The following AGBL4 variants were observed in gnomAD, a reference collection of about 807,000 sequenced individuals.
The protein encoded by AGBL4 is cytosolic carboxypeptidase 6.
Under a neutral mutation model 66.4 loss-of-function variants are expected in AGBL4, and 58 were observed. The ratio of observed to expected loss-of-function variants is 0.87; its 90% CI spans 0.71 to 1.09. The LOEUF is 1.09. Among genes scored for constraint, AGBL4 ranks in the 50% least tolerant of loss-of-function variants. The pLI is 0.00. For missense variants in AGBL4, 579 were observed against 631.0 expected (o/e 0.92, Z 0.88); for synonymous variants, 234 against 222.9 (o/e 1.05, Z -0.44).
intron 3 of AGBL4, among the ~76,000 whole-genome samples, chr1:49,576,329 C>T (rs1644435760): frequency 2.0e-5 from 3 of 152,218 alleles, no homozygotes; most frequent in South Asian, 2.1e-4. Context: ...TGCTCTGCCA[C>T]TTGGGCCATA....
At chr1:49,014,836 G>A (rs1662696273) in intron 5 of AGBL4, among the ~76,000 whole-genome samples, 1 of 152,188 alleles carries the variant, frequency 6.6e-6, no homozygotes, top group African/African-American at 2.4e-5. Context: ...GAGAGTGAAA[G>A]ACAATGTTAT....
intron 9 of AGBL4, among the ~76,000 whole-genome samples, chr1:48,621,353 T>A (rs1158292129): frequency 6.6e-6 from 1 of 152,204 alleles, no homozygotes; most frequent in Admixed American, 6.5e-5. Context: ...GCTTTTATCC[T>A]ATGGACTGAC....
intron 9 of AGBL4, among the ~76,000 whole-genome samples, chr1:48,613,369 G>A (rs916652696): frequency 6.6e-6 from 1 of 152,006 alleles, no homozygotes; most frequent in Non-Finnish European, 1.5e-5. Flanking sequence ...CAGAAACTGG[G>A]GTCCAACGAG....
At chr1:48,575,422 T>C (rs10493133) in intron 11 of AGBL4, among the ~76,000 whole-genome samples, 7,026 of 152,246 alleles carry the variant, frequency 0.046, 212 homozygotes, top group Admixed American at 0.099. Context: ...ACTTACGATA[T>C]GTTCACCTAT....
intron 4 of AGBL4, 137 bp from the exon 5 acceptor site, chr1:49,045,937 A>G: frequency 1.4e-6 from 1 of 732,776 alleles, no homozygotes; most frequent in Non-Finnish European, 2.2e-6. Context: ...GAATGACAAC[A>G]CAAACCACAT....
intron 1 of AGBL4, among the ~76,000 whole-genome samples, chr1:49,880,334 T>A (rs1277269369): frequency 6.6e-6 from 1 of 151,842 alleles, no homozygotes; most frequent in Non-Finnish European, 1.5e-5. Context: ...TACAGATGGG[T>A]TTTCAGTGTG....
chr1:49,106,140 A>G (rs1235129887), intron 4 of AGBL4, among the ~76,000 whole-genome samples: 2 of 152,048 alleles, frequency 1.3e-5, no homozygotes, highest in Non-Finnish European at 2.9e-5. Context: ...GGTTGTTCTC[A>G]AAGCAATTCT....
intron 6 of AGBL4, among the ~76,000 whole-genome samples, chr1:48,768,259 T>C (rs150291270): frequency 6.7e-4 from 102 of 152,326 alleles, no homozygotes; most frequent in Middle Eastern, 3.4e-3. Flanking sequence ...AATACTGTGA[T>C]GAATTCCCAA....
chr1:50,015,913 A>G lies in AGBL4; in HGVS notation c.34+7850T>C, dbSNP rs140840501. On this transcript the variant is annotated intron_variant, in intron 1 of 13. Coordinates refer to ENST00000371839, the MANE Select transcript of AGBL4 (RefSeq NM_032785.4). ...CAATAGGGAAATGACTCCCTATTCAATAAACAGTGCTGGGATAACTGGCTA... is the reference window on the plus strand; with the variant it reads ...CAATAGGGAAATGACTCCCTATTCAGTAAACAGTGCTGGGATAACTGGCTA... Among the ~76,000 whole-genome samples, 98 of 152,342 alleles carry G rather than the reference A, an allele frequency of 6.4e-4. 1 individual carries two copies. The East Asian group carries it at 0.014, about 22-fold the overall frequency.
chr1:49,152,998 T>C (rs963649030), intron 4 of AGBL4, among the ~76,000 whole-genome samples: 2 of 151,898 alleles, frequency 1.3e-5, no homozygotes, highest in Admixed American at 6.6e-5. Flanking sequence ...ACAGGAATGT[T>C]TTAAGAAGGA....
intron 3 of AGBL4, among the ~76,000 whole-genome samples, chr1:49,610,725 G>A (rs1210347861): frequency 6.6e-6 from 1 of 152,078 alleles, no homozygotes; most frequent in Non-Finnish European, 1.5e-5. Context: ...GAACCTACTG[G>A]AACCTTGAGC....
intron 3 of AGBL4, among the ~76,000 whole-genome samples, chr1:49,371,242 T>TAGAC (rs1644336446): frequency 7.1e-6 from 1 of 141,812 alleles, no homozygotes; most frequent in African/African-American, 2.8e-5. Flanking sequence ...GATAGATAGA[T>TAGAC]AGATAGATAC....
At chr1:48,751,714 T>C (rs1223817486) in intron 6 of AGBL4, among the ~76,000 whole-genome samples, 1 of 152,214 alleles carries the variant, frequency 6.6e-6, no homozygotes, top group Non-Finnish European at 1.5e-5. Context: ...AGAAACACAC[T>C]GCTATTCTGA....
chr1:48,863,757 C>A (rs75199289), intron 6 of AGBL4, among the ~76,000 whole-genome samples: 13,291 of 151,486 alleles, frequency 0.088, 665 homozygotes, highest in Non-Finnish European at 0.11. Flanking sequence ...CATACACACA[C>A]AAAAAAATAA....
intron 3 of AGBL4, among the ~76,000 whole-genome samples, chr1:49,688,315 G>A (rs1264559573): frequency 6.6e-6 from 1 of 152,144 alleles, no homozygotes; most frequent in East Asian, 1.9e-4. Flanking sequence ...ACCACAAAAA[G>A]AGAGAGCATG....
chr1:48,794,630 T>A (rs1450169262), intron 6 of AGBL4, among the ~76,000 whole-genome samples: 2 of 152,180 alleles, frequency 1.3e-5, no homozygotes, highest in African/African-American at 4.8e-5. Context: ...TGACCTTGCC[T>A]TTTTCCAGAA....
intron 8 of AGBL4, among the ~76,000 whole-genome samples, chr1:48,648,271 A>C (rs973930664): frequency 6.6e-6 from 1 of 152,142 alleles, no homozygotes; most frequent in Non-Finnish European, 1.5e-5. Context: ...TGTCTGTATG[A>C]ATTTGATCAC....
intron 3 of AGBL4, among the ~76,000 whole-genome samples, chr1:49,329,661 C>T (rs1645293408): frequency 6.6e-6 from 1 of 151,708 alleles, no homozygotes; most frequent in Non-Finnish European, 1.5e-5. Context: ...GTGAGACCCC[C>T]CGCCCCCCGC....
intron 2 of AGBL4, among the ~76,000 whole-genome samples, chr1:49,758,755 T>A (rs1652087620): frequency 6.6e-6 from 1 of 151,752 alleles, no homozygotes; most frequent in Non-Finnish European, 1.5e-5. Context: ...GGGGCTTCTC[T>A]CAGATAAAAC....
Sources: gnomAD v4.1 joint callset for allele counts (sites outside exome capture counted in the v4.1 genomes callset) on GRCh38, gnomAD v4.1.1 for gene constraint, MANE v1.5 for transcripts, NCBI Gene and HGNC (gene_info 2026-07-23, HGNC 2026-07-21) for gene names.